PCDHA13: variants seen among roughly 807,000 people sequenced by gnomAD.
PCDHA13 encodes the protein protocadherin alpha-13.
Under a neutral mutation model 64.8 loss-of-function variants are expected in PCDHA13, and 54 were observed. The observed-to-expected ratio is 0.83, with a 90% CI of 0.67 to 1.04. The LOEUF is 1.04. Ranked by LOEUF, PCDHA13 falls within the 50% of genes least tolerant of loss-of-function variation. PCDHA13 has a pLI of 0.00. For missense variants in PCDHA13, 1,248 were observed against 1,254.3 expected (o/e 0.99, Z 0.08); for synonymous variants, 587 against 564.4 (o/e 1.04, Z -0.57).
At position 140,882,396 on chromosome 5, in the gene PCDHA13, C is replaced by G; in HGVS notation, c.128C>G (p.Thr43Ser). The G allele has an allele frequency of 1.9e-6, 3 of 1,614,196 alleles. No homozygotes were observed. In the South Asian group the frequency reaches 3.3e-5, roughly 18 times the overall value. Residue 43 changes from threonine to serine, a missense_variant, in exon 1 of 4, where the codon ACC becomes AGC. Transcript: ENST00000289272. ...YSVPEEAKHG[T>S]FVGRIAQDLG... ...GTCCCCGAGGAAGCAAAACACGGCA[C>G]CTTCGTGGGCCGCATCGCTCAGGAC...
rs1404353270 is a variant in PCDHA13, at chr5:140,883,844, G to T, written c.1576G>T (p.Glu526Ter). 10 of 1,612,718 alleles carry T rather than the reference G, an allele frequency of 6.2e-6. No homozygotes were observed. The highest frequency in any genetic ancestry group is 1.1e-5 in the South Asian group (1 of 91,034). The change falls in exon 1 of 4, where the codon GAG becomes TAG. Residue 526 changes from glutamate to a stop codon, truncating the protein, a stop_gained. Transcript: ENST00000289272. LOFTEE classifies it high-confidence loss of function. ...GTACGCGCTGCAGCCGTTGGACCAC[G>T]AGGAGCTGGAGCTGTTGCAGTTCCA... ...KVYALQPLDH[E>*]ELELLQFQVS...
intron 1 of PCDHA13, 40 bp from the exon 2 acceptor site, chr5:140,978,909 C>T: frequency 6.2e-7 from 1 of 1,613,660 alleles, no homozygotes; most frequent in South Asian, 1.1e-5. Context: ...AGAACATTGT[C>T]TTGTCATTTT....
intron 1 of PCDHA13, among the ~76,000 whole-genome samples, chr5:140,959,643 G>A (rs246006): frequency 0.56 from 85,684 of 152,026 alleles, 24,754 homozygotes; most frequent in African/African-American, 0.69. Flanking sequence ...AAAAAACACA[G>A]AAGCAAAATT....
Position 140,887,082 on chromosome 5 carries a change from CT to C in PCDHA13, c.2394+2421del, listed in dbSNP as rs781992332. On this transcript the variant is annotated intron_variant, in intron 1 of 3. Coordinates refer to ENST00000289272, the MANE Select transcript of PCDHA13 (RefSeq NM_018904.3). Reference sequence around the variant, plus strand: ...GGCAACAAATTCACTCAGCTTTTGTCTGAGAAATATCTTTATCTCTTTTTTT... The same window carrying C: ...GGCAACAAATTCACTCAGCTTTTGTCGAGAAATATCTTTATCTCTTTTTTT... 2.0e-5 allele frequency among the ~76,000 whole-genome samples: 3 copies of C among 151,694 alleles called. No individual in the cohort carries two copies. The East Asian group carries it at 5.8e-4, about 29-fold the overall frequency.
Position 140,883,477 on chromosome 5 carries a change from C to T in PCDHA13, c.1209C>T (p.Asn403=), listed in dbSNP as rs2059632046. 1.2e-6 allele frequency: 2 copies of T among 1,614,054 alleles called. No individual in the cohort carries two copies. Among genetic ancestry groups the T allele is most frequent in the Non-Finnish European group, 1.7e-6 (2 of 1,180,050 alleles). ...TCAAGCTGGTGTCCACCTACAAGAA[C>T]TACTACTCATTAGTGCTGGACAGCG... ...VPFKLVSTYK[N]YYSLVLDSAL... is the part of the protein sequence containing the mutation. Residue 403 remains asparagine, a synonymous_variant, in exon 1 of 4, where the codon AAC becomes AAT. Coordinates refer to ENST00000289272, the MANE Select transcript of PCDHA13 (RefSeq NM_018904.3).
In PCDHA13 at chr5:140,912,343, A is replaced by T. The variant is rs547543923; in HGVS notation, c.2394+27681A>T. Among the ~76,000 whole-genome samples, 324 of 143,902 alleles carry T rather than the reference A, an allele frequency of 2.3e-3. 1 individual carries two copies. The highest frequency in any genetic ancestry group is 7.8e-3 in the African/African-American group (308 of 39,358). 94.4% of individuals were successfully genotyped at this position (143,902 alleles called of 152,430 possible). A position where few individuals can be genotyped will look rare whatever the true frequency, so the allele number is the denominator to read the frequency against. On this transcript the variant is annotated intron_variant, in intron 1 of 3. Transcript: ENST00000289272. ...CTCAGTATTAACCAGTACACTAAGT[A>T]TTTTTTTTTTTTTTTGCAGCTGTTG... is the stretch of plus-strand genomic sequence containing the variant.
At chr5:140,945,790 T>C (rs1340396620) in intron 1 of PCDHA13, among the ~76,000 whole-genome samples, 2 of 152,010 alleles carry the variant, frequency 1.3e-5, no homozygotes, top group South Asian at 2.1e-4. Context: ...TGCAGAAAAA[T>C]GAAACTAGAC....
intron 1 of PCDHA13, among the ~76,000 whole-genome samples, chr5:140,942,021 A>C (rs2093219800): frequency 6.6e-6 from 1 of 152,198 alleles, no homozygotes; most frequent in South Asian, 2.1e-4. Context: ...TTTTGGGAAA[A>C]AATAATTCAT....
chr5:140,999,032 C>T (rs2097843779), intron 3 of PCDHA13, among the ~76,000 whole-genome samples: 1 of 152,236 alleles, frequency 6.6e-6, no homozygotes, highest in South Asian at 2.1e-4. Flanking sequence ...TTTGATACTT[C>T]GTCCAGTGTG....
At chr5:140,966,914 G>A in intron 1 of PCDHA13, 1 of 1,602,270 alleles carries the variant, frequency 6.2e-7, no homozygotes, top group Non-Finnish European at 8.5e-7. Context: ...CTCTGTGCCA[G>A]AGGAGCAGGC....
chr5:140,908,090 G>A (rs1198966409), intron 1 of PCDHA13, among the ~76,000 whole-genome samples: 1 of 152,200 alleles, frequency 6.6e-6, no homozygotes. Flanking sequence ...CAGGTGCACT[G>A]ATTGAAGTTC....
rs781941183 is a variant in PCDHA13, at chr5:140,884,613, C to T, written c.2345C>T (p.Ser782Phe). The change falls in exon 1 of 4, where the codon TCT becomes TTT. Residue 782 changes from serine (S) to phenylalanine (F), a missense_variant. Physicochemically the swap from Ser to Phe is radical, Grantham distance 155. Transcript: ENST00000289272. ...FSPSLPPCLG[S>F]AEGTGQREED... ...CCCAGCCTTCCTCCTTGTCTGGGTT[C>T]TGCAGAGGGAACAGGCCAGAGGGAG... 3 of 1,614,086 alleles carry T rather than the reference C, an allele frequency of 1.9e-6. No individual in the cohort carries two copies. The South Asian group carries it at 3.3e-5, about 18-fold the overall frequency.
chr5:140,962,708 A>G (rs982426662), intron 1 of PCDHA13, among the ~76,000 whole-genome samples: 1 of 152,240 alleles, frequency 6.6e-6, no homozygotes, highest in African/African-American at 2.4e-5. Context: ...CTATAATCAT[A>G]TTGGAAAGTA....
At chr5:140,991,847 G>A (rs1375292594) in intron 3 of PCDHA13, among the ~76,000 whole-genome samples, 1 of 152,162 alleles carries the variant, frequency 6.6e-6, no homozygotes, top group African/African-American at 2.4e-5. Flanking sequence ...CGCACTTCCA[G>A]ATACCAAAAT....
At position 140,894,520 on chromosome 5, in the gene PCDHA13, C is replaced by T. The variant is rs377646516; in HGVS notation, c.2394+9858C>T. On this transcript the variant is annotated intron_variant, in intron 1 of 3. Coordinates refer to ENST00000289272, the MANE Select transcript of PCDHA13 (RefSeq NM_018904.3). ...AGGCATTATCCATAGTGTTTATATG[C>T]TGTTATGTGCCTTCTGGTTTAGTGT... is the stretch of plus-strand genomic sequence containing the variant. Among the ~76,000 whole-genome samples, 12 of 151,842 alleles carry T rather than the reference C, an allele frequency of 7.9e-5. No homozygotes were observed. In the East Asian group the frequency reaches 1.9e-3, roughly 24 times the overall value.
rs552604909 is a variant in PCDHA13, at chr5:141,005,474, C to T, written c.2543-4153C>T. ...ATCCCAGCACTTTGGGAGGCCGAGACGGGCGGATCATGAGGTCAGGAGATC... is the reference window on the plus strand; with the variant it reads ...ATCCCAGCACTTTGGGAGGCCGAGATGGGCGGATCATGAGGTCAGGAGATC... On this transcript the variant is annotated intron_variant, in intron 3 of 3. Coordinates refer to ENST00000289272, the MANE Select transcript of PCDHA13 (RefSeq NM_018904.3). 1.6e-3 allele frequency among the ~76,000 whole-genome samples: 236 copies of T among 151,848 alleles called. 1 individual carries two copies. The highest frequency in any genetic ancestry group is 4.9e-3 in the African/African-American group (204 of 41,424).
At chr5:140,945,935 G>T (rs2093863887) in intron 1 of PCDHA13, among the ~76,000 whole-genome samples, 1 of 151,964 alleles carries the variant, frequency 6.6e-6, no homozygotes, top group Admixed American at 6.6e-5. Flanking sequence ...GAGCAATGAT[G>T]TTTTTTATAT....
intron 1 of PCDHA13, among the ~76,000 whole-genome samples, chr5:140,892,990 G>T (rs782084236): frequency 1.3e-5 from 2 of 152,164 alleles, no homozygotes; most frequent in African/African-American, 2.4e-5. Context: ...GTATAAGTGA[G>T]AACATGTATT....
intron 1 of PCDHA13, among the ~76,000 whole-genome samples, chr5:140,892,806 A>G (rs1262963314): frequency 2.6e-5 from 4 of 152,228 alleles, no homozygotes; most frequent in African/African-American, 7.2e-5. Flanking sequence ...ATAGTTAACC[A>G]TATTTATCCT....
Sources: gnomAD v4.1 joint callset for allele counts (sites outside exome capture counted in the v4.1 genomes callset) on GRCh38, gnomAD v4.1.1 for gene constraint, MANE v1.5 for transcripts, NCBI Gene and HGNC (gene_info 2026-07-23, HGNC 2026-07-21) for gene names.